Variants in BAZ1B observed in about 807,000 individuals in gnomAD.
The protein encoded by BAZ1B is tyrosine-protein kinase BAZ1B.
A neutral mutation model predicts 153.8 loss-of-function variants in BAZ1B; 22 were observed. The ratio of observed to expected loss-of-function variants is 0.14; its 90% confidence interval spans 0.10 to 0.20. The LOEUF (loss-of-function observed/expected upper bound fraction) is 0.20. Among genes scored for constraint, BAZ1B ranks in the 10% least tolerant of loss-of-function variants. BAZ1B has a pLI of 1.00. For missense variants in BAZ1B, 1,325 were observed against 1,799.3 expected, an observed-to-expected ratio of 0.74 and a Z score of 4.77; for synonymous variants, 676 against 633.4, an observed-to-expected ratio of 1.07 and a Z score of -1.01.
At chr7:73,497,085 C>CAAAAAAAAAAAAAT (rs1789939143) in intron 4 of BAZ1B, among the ~76,000 whole-genome samples, 1 of 106,372 alleles carries the variant, frequency 9.4e-6, no homozygotes, top group Non-Finnish European at 2.0e-5. Context: ...AAAAAAAAAC[C>CAAAAAAAAAAAAAT]TACAAAAATT....
At chr7:73,474,035 T>G (rs1563378413) in intron 7 of BAZ1B, among the ~76,000 whole-genome samples, 2 of 152,196 alleles carry the variant, frequency 1.3e-5, no homozygotes, top group African/African-American at 4.8e-5. Flanking sequence ...TTCCGAAACT[T>G]ACTACAAAGC....
At chr7:73,459,916 C>T (rs961817104) in intron 12 of BAZ1B, among the ~76,000 whole-genome samples, 198 bp from the exon 13 acceptor site, 1 of 152,134 alleles carries the variant, frequency 6.6e-6, no homozygotes, top group South Asian at 2.1e-4. Context: ...CTTGACTGGC[C>T]GGGTGCAGTG....
intron 16 of BAZ1B, 64 bp downstream of exon 16, chr7:73,447,200 C>CT: frequency 6.2e-7 from 1 of 1,611,800 alleles, no homozygotes; most frequent in Non-Finnish European, 8.5e-7. Context: ...CCAAGCCAGC[C>CT]TTTCCAAGCG....
At chr7:73,457,529 A>G (rs1788250210) in intron 13 of BAZ1B, among the ~76,000 whole-genome samples, 2 of 152,172 alleles carry the variant, frequency 1.3e-5, no homozygotes, top group African/African-American at 4.8e-5. Context: ...CAATAGCCAA[A>G]AGACGGAAGC....
At chr7:73,504,456 G>A (rs1396748570) in intron 3 of BAZ1B, among the ~76,000 whole-genome samples, 1 of 152,094 alleles carries the variant, frequency 6.6e-6, no homozygotes, top group Non-Finnish European at 1.5e-5. Context: ...GAGGTCAGGA[G>A]ATCGAGACCA....
chr7:73,509,118 T>A (rs1457794176), intron 2 of BAZ1B, among the ~76,000 whole-genome samples: 1 of 151,582 alleles, frequency 6.6e-6, no homozygotes, highest in Non-Finnish European at 1.5e-5. Context: ...GGTCAGGAGT[T>A]CAAGGCCAGC....
intron 17 of BAZ1B, 52 bp downstream of exon 17, chr7:73,443,932 G>T (rs1787725068): frequency 1.2e-6 from 2 of 1,608,828 alleles, no homozygotes; most frequent in East Asian, 2.3e-5. Flanking sequence ...AATTGCTGGG[G>T]TAGGGAATAA....
intron 7 of BAZ1B, among the ~76,000 whole-genome samples, chr7:73,471,063 C>G (rs1377619451): frequency 6.6e-6 from 1 of 152,166 alleles, no homozygotes; most frequent in Non-Finnish European, 1.5e-5. Flanking sequence ...ATATTTTAAA[C>G]AATCCTGAAG....
intron 7 of BAZ1B, 110 bp downstream of exon 7, chr7:73,476,758 T>C (rs1193037639): frequency 1.3e-6 from 2 of 1,487,072 alleles, no homozygotes; most frequent in Non-Finnish European, 1.8e-6. Flanking sequence ...GCTGGGTTAT[T>C]ACATACAGAA....
chr7:73,516,815 T>C (rs960918875), intron 1 of BAZ1B, among the ~76,000 whole-genome samples: 6 of 148,294 alleles, frequency 4.0e-5, no homozygotes, highest in African/African-American at 1.5e-4. Context: ...GTAAAAGAAT[T>C]TCCTACAACC....
intron 3 of BAZ1B, among the ~76,000 whole-genome samples, chr7:73,505,348 C>T (rs35475338): frequency 1.3e-5 from 2 of 152,290 alleles, no homozygotes; most frequent in Admixed American, 1.3e-4. Context: ...CTGAGAAGAA[C>T]AGAACAGAAA....
At position 73,459,966 on chromosome 7, in the gene BAZ1B, G is replaced by A. The variant is rs151000230; in HGVS notation, c.3250-248C>T. Among the ~76,000 whole-genome samples, 673 of 152,126 alleles carry A rather than the reference G, an allele frequency of 4.4e-3. 1 individual carries two copies. Among genetic ancestry groups the A allele is most frequent in the Non-Finnish European group, 7.8e-3 (530 of 67,996 alleles). On this transcript the variant is annotated intron_variant, in intron 12 of 19. Coordinates refer to ENST00000339594, the MANE Select transcript of BAZ1B (RefSeq NM_032408.4). ...TCCCAGCATTTTGGGGGGCCAAGGC[G>A]GGCGAATCACCTGAGGTCAGGAGTT...
chr7:73,476,753 G>A, intron 7 of BAZ1B, 115 bp downstream of exon 7: 1 of 1,470,894 alleles, frequency 6.8e-7, no homozygotes, highest in Non-Finnish European at 9.1e-7. Context: ...TAGGTGCTGG[G>A]TTATTACATA....
chr7:73,454,239 C>T (rs1294142112), intron 13 of BAZ1B, among the ~76,000 whole-genome samples: 3 of 152,056 alleles, frequency 2.0e-5, no homozygotes, highest in East Asian at 1.9e-4. Context: ...GGTGGGAGAT[C>T]ACAAGCCTGG....
chr7:73,442,860 G>A, intron 17 of BAZ1B, 32 bp from the exon 18 acceptor site: 1 of 1,524,930 alleles, frequency 6.6e-7, no homozygotes, highest in Non-Finnish European at 9.1e-7. Context: ...TGTTATTACA[G>A]ATTCAAGACA....
chr7:73,476,769 ATAAG>A, intron 7 of BAZ1B, 95 bp downstream of exon 7: 1 of 1,505,264 alleles, frequency 6.6e-7, no homozygotes, highest in Non-Finnish European at 8.8e-7. Context: ...ACATACAGAA[ATAAG>A]TAAACAAACA....
At chr7:73,478,591 A>G (rs782805724) in intron 6 of BAZ1B, 22 bp from the exon 7 acceptor site, 8 of 1,466,554 alleles carry the variant, frequency 5.5e-6, no homozygotes, top group Non-Finnish European at 7.2e-6. Context: ...GAATAGGAGC[A>G]AAATTAATTT....
At chr7:73,472,267 CTTTTTT>C (rs1235647969) in intron 7 of BAZ1B, among the ~76,000 whole-genome samples, 17 of 139,340 alleles carry the variant, frequency 1.2e-4, no homozygotes, top group East Asian at 4.1e-4. Context: ...TTTTTTTTTT[CTTTTTT>C]TTGAGACAGA....
At position 73,463,041 on chromosome 7, in the gene BAZ1B, A is replaced by T. The variant is rs782392379; in HGVS notation, c.3130T>A (p.Ser1044Thr). Residue 1044 changes from serine (S) to threonine (T), a missense_variant, in exon 12 of 20, where the codon TCT becomes ACT. Coordinates refer to ENST00000339594, the MANE Select transcript of BAZ1B (RefSeq NM_032408.4). ...LARKPNLGLK[S>T]CDGNQELLNF... ...AAAAGCTCCTGGTTGCCATCACAAGATTTTAGACCCAAATTTGGCTTCCGT... is the reference window on the plus strand; with the variant it reads ...AAAAGCTCCTGGTTGCCATCACAAGTTTTTAGACCCAAATTTGGCTTCCGT... 5.0e-6 allele frequency: 8 copies of T among 1,614,004 alleles called. No homozygotes were observed. Among genetic ancestry groups the T allele is most frequent in the Non-Finnish European group, 5.9e-6 (7 of 1,179,960 alleles).
Sources: allele counts gnomAD v4.1 joint callset (sites outside exome capture counted in the v4.1 genomes callset), GRCh38; gene constraint gnomAD v4.1.1; transcripts MANE v1.5; gene names NCBI Gene and HGNC (gene_info 2026-07-23, HGNC 2026-07-21).